Variants in RUNX1T1 observed in about 807,000 individuals in gnomAD.
RUNX1T1 encodes the protein RUNX1 partner transcriptional co-repressor 1, also known as protein CBFA2T1.
In RUNX1T1, 4 loss-of-function variants were observed where a neutral mutation model predicts 62.8. That is an observed-to-expected ratio of 0.06 (90% CI 0.03 to 0.15). RUNX1T1 has a LOEUF of 0.15. Ranked by LOEUF, RUNX1T1 falls within the 10% of genes least tolerant of loss-of-function variation. The pLI, the probability that RUNX1T1 is intolerant of heterozygous loss-of-function variation, is 1.00. For synonymous variants in RUNX1T1, 291 were observed against 286.0 expected (o/e 1.02, Z -0.18); for missense variants, 508 against 754.3 (o/e 0.67, Z 3.82).
At chr8:91,994,398 A>C in intron 5 of RUNX1T1, 1 of 215,722 alleles carries the variant, frequency 4.6e-6, no homozygotes, top group Non-Finnish European at 9.8e-6. Flanking sequence ...AATACACTTC[A>C]ATATTCAATG....
intron 2 of RUNX1T1, among the ~76,000 whole-genome samples, chr8:92,070,500 T>G (rs1453465816): frequency 6.6e-6 from 1 of 152,108 alleles, no homozygotes; most frequent in African/African-American, 2.4e-5. Context: ...GCATAATAGA[T>G]CACGATGATG....
upstream of RUNX1T1, among the ~76,000 whole-genome samples, chr8:92,100,687 C>T (rs180859843): frequency 4.0e-5 from 6 of 151,594 alleles, no homozygotes; most frequent in East Asian, 1.2e-3. Context: ...CTGAAACAAA[C>T]AAAAAAATCA....
At chr8:92,053,086 T>C (rs991805567) in intron 1 of RUNX1T1, among the ~76,000 whole-genome samples, 1 of 151,890 alleles carries the variant, frequency 6.6e-6, no homozygotes, top group African/African-American at 2.4e-5. Context: ...GTTGAAAAAA[T>C]GATAAAAGGG....
intron 1 of RUNX1T1, among the ~76,000 whole-genome samples, chr8:92,040,030 C>G (rs1330003816): frequency 6.6e-6 from 1 of 152,198 alleles, no homozygotes; most frequent in Non-Finnish European, 1.5e-5. Context: ...CCAGTGGCTT[C>G]CCTTTCTACC....
intron 2 of RUNX1T1, among the ~76,000 whole-genome samples, chr8:92,068,457 G>T (rs769357570): frequency 7.2e-5 from 11 of 152,056 alleles, no homozygotes; most frequent in Non-Finnish European, 1.2e-4. Flanking sequence ...CAGCCATCTG[G>T]ACAGCTTTCC....
At chr8:92,062,902 G>A (rs1832303664) in exon 1 of RUNX1T1, 1 of 1,329,524 alleles carries the variant, frequency 7.5e-7, no homozygotes. Context: ...GCAAGTTTCA[G>A]AGCACCAAAA....
intron 4 of RUNX1T1, among the ~76,000 whole-genome samples, chr8:92,008,367 ATCTCTC>A (rs149208341): frequency 8.3e-5 from 11 of 132,608 alleles, no homozygotes; most frequent in African/African-American, 3.1e-4. Flanking sequence ...GGTGCCACAT[ATCTCTC>A]TCTCTCTCTC....
chr8:92,062,426 C>T, intron 1 of RUNX1T1: 1 of 1,106,832 alleles, frequency 9.0e-7, no homozygotes, highest in East Asian at 2.3e-5. Context: ...TCACCCCCAG[C>T]CTCTTCCTGC....
intron 9 of RUNX1T1, among the ~76,000 whole-genome samples, chr8:91,975,579 C>T (rs1483861592): frequency 6.6e-6 from 1 of 151,046 alleles, no homozygotes; most frequent in Non-Finnish European, 1.5e-5. Context: ...AAAATGCATG[C>T]AAGCTAAGAC....
At chr8:92,046,850 TACA>T (rs1829487065) in intron 1 of RUNX1T1, among the ~76,000 whole-genome samples, 1 of 152,128 alleles carries the variant, frequency 6.6e-6, no homozygotes, top group Non-Finnish European at 1.5e-5. Flanking sequence ...GCAGCTGCCA[TACA>T]ACAACAAATA....
intron 5 of RUNX1T1, among the ~76,000 whole-genome samples, chr8:92,001,406 G>C (rs1819733465): frequency 6.6e-6 from 1 of 152,068 alleles, no homozygotes; most frequent in Non-Finnish European, 1.5e-5. Flanking sequence ...GTATCTATAA[G>C]ATCCCTCCCA....
At chr8:92,090,453 A>C (rs2130895938) in intron 1 of RUNX1T1, among the ~76,000 whole-genome samples, 1 of 152,094 alleles carries the variant, frequency 6.6e-6, no homozygotes, top group East Asian at 1.9e-4. Flanking sequence ...ACAACAACAA[A>C]AACAGATTAA....
intron 1 of RUNX1T1, among the ~76,000 whole-genome samples, chr8:92,051,987 C>G (rs1453280140): frequency 6.6e-6 from 1 of 152,130 alleles, no homozygotes. Context: ...CAGGGCTGCT[C>G]CTCTTCACCA....
At chr8:92,029,732 A>G (rs566882517) in intron 1 of RUNX1T1, among the ~76,000 whole-genome samples, 14 of 152,120 alleles carry the variant, frequency 9.2e-5, no homozygotes, top group Non-Finnish European at 2.1e-4. Context: ...GGACTTTACA[A>G]CCTCTCACAC....
In RUNX1T1 at chr8:91,983,891, T is replaced by G. The variant is rs181928369; in HGVS notation, c.1198+2233A>C. On this transcript the variant is annotated intron_variant, in intron 8 of 10. Transcript: ENST00000396218. ...AGAATCAGCTAGTAAGGATGCACAGTGAAAAAAAACTGTAAAAGCACTACT... is the reference window on the plus strand; with the variant it reads ...AGAATCAGCTAGTAAGGATGCACAGGGAAAAAAAACTGTAAAAGCACTACT... 1.7e-3 allele frequency among the ~76,000 whole-genome samples: 261 copies of G among 152,212 alleles called. 1 individual carries two copies. Among genetic ancestry groups the G allele is most frequent in the African/African-American group, 6.0e-3 (251 of 41,532 alleles).
chr8:91,999,617 A>T (rs1276345436), intron 5 of RUNX1T1, among the ~76,000 whole-genome samples: 1 of 152,150 alleles, frequency 6.6e-6, no homozygotes, highest in Non-Finnish European at 1.5e-5. Context: ...AAGCCATGTG[A>T]CTTCACACAC....
intron 1 of RUNX1T1, among the ~76,000 whole-genome samples, chr8:92,019,433 T>G (rs1823659621): frequency 6.6e-6 from 1 of 151,094 alleles, no homozygotes; most frequent in Admixed American, 6.6e-5. Flanking sequence ...GGAGGGGAAG[T>G]GGGAGTAACA....
At chr8:91,989,417 T>C (rs1817211361) in intron 6 of RUNX1T1, among the ~76,000 whole-genome samples, 1 of 152,206 alleles carries the variant, frequency 6.6e-6, no homozygotes, top group Non-Finnish European at 1.5e-5. Flanking sequence ...ATTAGCACTA[T>C]TGGTTTTATA....
chr8:92,093,904 G>T (rs1042218540), intron 1 of RUNX1T1, among the ~76,000 whole-genome samples: 4 of 151,982 alleles, frequency 2.6e-5, no homozygotes, highest in Non-Finnish European at 4.4e-5. Flanking sequence ...CATCCAATTC[G>T]GGGTAGAATT....
Sources: allele counts gnomAD v4.1 joint callset (sites outside exome capture counted in the v4.1 genomes callset), GRCh38; gene constraint gnomAD v4.1.1; transcripts MANE v1.5; gene names NCBI Gene and HGNC (gene_info 2026-07-23, HGNC 2026-07-21).